TENM1: variants seen among roughly 807,000 people sequenced by gnomAD.
TENM1 encodes the protein teneurin transmembrane protein 1, also known as teneurin-1.
In TENM1, 35 loss-of-function variants were observed where a neutral mutation model predicts 174.8. That is an observed-to-expected ratio of 0.20 (90% CI 0.15 to 0.27). The LOEUF (loss-of-function observed/expected upper bound fraction) is 0.27, where lower values mean the gene tolerates loss of function less well. Among genes scored for constraint, TENM1 ranks in the 10% least tolerant of loss-of-function variants. The pLI is 1.00. For synonymous variants in TENM1, 781 were observed against 798.7 expected (o/e 0.98, Z 0.37); for missense variants, 1,633 against 2,130.1 (o/e 0.77, Z 4.59).
chrX:124,547,214 C>T, intron 14 of TENM1, 124 bp from the exon 18 acceptor site: 1 of 531,493 alleles, frequency 1.9e-6, no homozygotes, highest in Middle Eastern at 4.9e-4. Context: ...GTTTTGAGTT[C>T]AGAATTTGTT....
rs1402408793 is a variant in TENM1 at position 124,392,563 on chromosome X, T to C, written c.5392-215A>G. ...AGGGCTATGTCTTAAGTACTTGAAATACTCTAGACTCTCAATAGGTGGTTG... is the reference window on the plus strand; with the variant it reads ...AGGGCTATGTCTTAAGTACTTGAAACACTCTAGACTCTCAATAGGTGGTTG... On this transcript the variant is annotated intron_variant, in intron 27 of 31. Transcript: ENST00000422452. Among the ~76,000 whole-genome samples, 3 of 111,688 alleles carry C rather than the reference T, an allele frequency of 2.7e-5. No homozygotes were observed. The Admixed American group carries it at 2.8e-4, about 11-fold the overall frequency.
chrX:124,826,390 C>T (rs1018440830), intron 3 of TENM1, among the ~76,000 whole-genome samples: 26 of 105,398 alleles, frequency 2.5e-4, no homozygotes, highest in African/African-American at 9.1e-4. Flanking sequence ...GCCTGGGTAA[C>T]AGAGTGAGAC....
intron 3 of TENM1, among the ~76,000 whole-genome samples, chrX:124,836,736 T>G (rs1215553980): frequency 8.9e-6 from 1 of 112,323 alleles, no homozygotes; most frequent in African/African-American, 3.2e-5. Context: ...ATCTCTACAT[T>G]CTTAGATGAT....
At chrX:124,898,090 G>A (rs192486483) in intron 1 of TENM1, among the ~76,000 whole-genome samples, 20 of 111,874 alleles carry the variant, frequency 1.8e-4, no homozygotes, top group African/African-American at 6.2e-4. Context: ...CACTCCCCTA[G>A]AACAGTGGCT....
At chrX:125,139,214 G>A in the TENM1 span, among the ~76,000 whole-genome samples, 1 of 111,651 alleles carries the variant, frequency 9.0e-6, no homozygotes, top group Non-Finnish European at 1.9e-5. Flanking sequence ...ATTGCAGATT[G>A]TAATAAGTAA....
At chrX:125,161,039 T>TAAA in the TENM1 span, among the ~76,000 whole-genome samples, 20 of 53,427 alleles carry the variant, frequency 3.7e-4, no homozygotes, top group African/African-American at 5.5e-4. Flanking sequence ...GGCCAAAAAG[T>TAAA]AAAAAAAAAA....
At chrX:124,645,910 A>G (rs1490140469) in intron 9 of TENM1, among the ~76,000 whole-genome samples, 2 of 111,082 alleles carry the variant, frequency 1.8e-5, no homozygotes, top group Admixed American at 1.9e-4. Flanking sequence ...TTTAATACCA[A>G]CCATCACCTC....
intron 18 of TENM1, among the ~76,000 whole-genome samples, chrX:124,506,834 T>A (rs1044122575): frequency 8.9e-6 from 1 of 112,015 alleles, no homozygotes; most frequent in African/African-American, 3.2e-5. Flanking sequence ...GACTTTGTCA[T>A]GGAAGCAGAC....
At chrX:124,384,259 A>G in exon 30 of TENM1, 1 of 1,209,763 alleles carries the variant, frequency 8.3e-7, no homozygotes, top group Non-Finnish European at 1.1e-6. Context: ...TCTGCCTCAG[A>G]AAGCCATCTT....
intron 12 of TENM1, among the ~76,000 whole-genome samples, chrX:124,564,230 C>A (rs1259275828): frequency 8.9e-6 from 1 of 111,760 alleles, no homozygotes; most frequent in African/African-American, 3.2e-5. Context: ...CTGAATCTCA[C>A]CCCTCTCCAC....
chrX:125,092,504 T>C, the TENM1 span, among the ~76,000 whole-genome samples: 1 of 111,728 alleles, frequency 9.0e-6, no homozygotes, highest in Non-Finnish European at 1.9e-5. Flanking sequence ...AGGAGTCATA[T>C]GAAAAACAAT....
At chrX:124,529,221 G>A in intron 16 of TENM1, among the ~76,000 whole-genome samples, 1 of 112,046 alleles carries the variant, frequency 8.9e-6, no homozygotes. Flanking sequence ...CTGAATCAAT[G>A]TCTGTCTAAA....
At chrX:124,465,004 G>C (rs763552160) in intron 22 of TENM1, among the ~76,000 whole-genome samples, 1 of 111,581 alleles carries the variant, frequency 9.0e-6, no homozygotes, top group Non-Finnish European at 1.9e-5. Flanking sequence ...GTTCATCAGA[G>C]CTATGAGAGG....
chrX:124,518,454 AC>A (rs2047767666), intron 18 of TENM1, among the ~76,000 whole-genome samples: 1 of 110,390 alleles, frequency 9.1e-6, no homozygotes, highest in East Asian at 2.9e-4. Flanking sequence ...AGTAAGTAGC[AC>A]AAAGTGCTTG....
At chrX:124,897,746 T>C (rs2147585566) in intron 1 of TENM1, among the ~76,000 whole-genome samples, 1 of 112,338 alleles carries the variant, frequency 8.9e-6, no homozygotes, top group South Asian at 3.6e-4. Flanking sequence ...CCATGATGAA[T>C]GTATTTAAGA....
At chrX:124,884,219 C>G (rs185245327) in intron 3 of TENM1, among the ~76,000 whole-genome samples, 5 of 111,010 alleles carry the variant, frequency 4.5e-5, no homozygotes, top group Non-Finnish European at 9.5e-5. Flanking sequence ...TACTTTGACC[C>G]TGGTAGCAGC....
rs182003778 is a variant in TENM1 at position 124,385,056 on chromosome X, A to G, written c.6077-202T>C. On this transcript the variant is annotated intron_variant, in intron 29 of 31. Transcript: ENST00000422452. ...TGGTAATCCTCAAATATAAAAAATT[A>G]AAATACTCTATAGTTATAGAAAATT... 7.5e-3 allele frequency among the ~76,000 whole-genome samples: 846 copies of G among 112,712 alleles called. 8 individuals are homozygous for G. Among genetic ancestry groups the G allele is most frequent in the African/African-American group, 0.025 (786 of 31,020 alleles).
chrX:124,667,673 A>C (rs2051806439), intron 6 of TENM1, among the ~76,000 whole-genome samples: 1 of 110,982 alleles, frequency 9.0e-6, no homozygotes, highest in Non-Finnish European at 1.9e-5. Context: ...TCAATTTTAT[A>C]AATATTTAAT....
chrX:125,160,253 G>C, the TENM1 span, among the ~76,000 whole-genome samples: 2 of 106,601 alleles, frequency 1.9e-5, no homozygotes, highest in Non-Finnish European at 3.9e-5. Flanking sequence ...GCTAGGCATG[G>C]TGGCTCATGC....
Sources: allele counts gnomAD v4.1 joint callset (sites outside exome capture counted in the v4.1 genomes callset), GRCh38; gene constraint gnomAD v4.1.1; transcripts MANE v1.5; gene names NCBI Gene and HGNC (gene_info 2026-07-23, HGNC 2026-07-21).